The following CACNG2 variants were observed in gnomAD, a reference collection of about 807,000 sequenced individuals.
CACNG2 encodes the protein calcium voltage-gated channel auxiliary subunit gamma 2.
CACNG2 carries 3 observed loss-of-function variants against 25.9 expected under a neutral mutation model. The ratio of observed to expected loss-of-function variants is 0.12; its 90% CI spans 0.05 to 0.30. The LOEUF (loss-of-function observed/expected upper bound fraction) is 0.30. Ranked by LOEUF, CACNG2 falls within the 10% of genes least tolerant of loss-of-function variation. CACNG2 has a pLI of 1.00. For missense variants in CACNG2, 341 were observed against 432.5 expected, an observed-to-expected ratio of 0.79 and a Z score of 1.88; for synonymous variants, 167 against 173.3, an observed-to-expected ratio of 0.96 and a Z score of 0.29.
rs1337096596 is a variant in CACNG2 at position 36,563,924 on chromosome 22, T to C, written c.*427A>G. 2.0e-5 allele frequency: 3 copies of C among 152,436 alleles called. No homozygotes were observed. Among genetic ancestry groups the C allele is most frequent in the African/African-American group, 4.8e-5 (2 of 41,452 alleles). 9.4% of individuals were successfully genotyped at this position (152,436 alleles called of 1,614,324 possible). A position where few individuals can be genotyped will look rare whatever the true frequency, so the allele number is the denominator to read the frequency against. ...TTCCTTTCTGTTCTCATTTTTTTTT[T>C]TTTTGCTTTAATGTTATCTTGGTTC... On this transcript the variant is annotated 3_prime_UTR_variant, in exon 4 of 4. Coordinates refer to ENST00000300105, the MANE Select transcript of CACNG2 (RefSeq NM_006078.5).
At chr22:36,588,583 T>C (rs1935540646) in intron 1 of CACNG2, among the ~76,000 whole-genome samples, 1 of 152,208 alleles carries the variant, frequency 6.6e-6, no homozygotes, top group Admixed American at 6.5e-5. Flanking sequence ...AGATTGGGTG[T>C]ATGCTGGGGC....
chr22:36,606,352 G>C lies in CACNG2; in HGVS notation c.212-18804C>G, dbSNP rs1935832826. 6.6e-6 allele frequency among the ~76,000 whole-genome samples: 1 copy of C among 152,230 alleles called. No homozygotes were observed. The highest frequency in any genetic ancestry group is 2.4e-5 in the African/African-American group (1 of 41,458). On this transcript the variant is annotated intron_variant, in intron 1 of 3. Coordinates refer to ENST00000300105, the MANE Select transcript of CACNG2 (RefSeq NM_006078.5). The surrounding 1 kb of genome is among the most constrained non-coding windows in gnomAD (Gnocchi z 5.7). ...AGCACTTTACAACAAGCCTGTTGAGGTGGACGCTATTAGTCTCCGTACATT... is the reference window on the plus strand; with the variant it reads ...AGCACTTTACAACAAGCCTGTTGAGCTGGACGCTATTAGTCTCCGTACATT...
chr22:36,702,625 T>C lies in CACNG2; in HGVS notation c.-49A>G. 1 of 1,493,442 alleles carries C rather than the reference T, an allele frequency of 6.7e-7. No homozygotes were observed. The highest frequency in any genetic ancestry group is 9.3e-7 in the Non-Finnish European group (1 of 1,070,678). 92.5% of individuals were successfully genotyped at this position (1,493,442 alleles called of 1,614,324 possible). A position where few individuals can be genotyped will look rare whatever the true frequency, so the allele number is the denominator to read the frequency against. On this transcript the variant is annotated 5_prime_UTR_variant, in exon 1 of 4. Transcript: ENST00000300105. ...AACCGACTTCTGGTTCTCGGGAGAG[T>C]GTGTGTGAGGGTGCAAGTACTAAAG...
chr22:36,698,945 G>A lies in CACNG2; in HGVS notation c.211+3421C>T, dbSNP rs79011543. On this transcript the variant is annotated intron_variant, in intron 1 of 3. Transcript: ENST00000300105. ...TGAATTTCTTGCTGTCCCTGGAGAC[G>A]ATGTTTCCTTTAGGTGACAACAGAG... Among the ~76,000 whole-genome samples, 703 of 152,240 alleles carry A rather than the reference G, an allele frequency of 4.6e-3. 7 individuals are homozygous for A. The highest frequency in any genetic ancestry group is 0.016 in the African/African-American group (672 of 41,540).
chr22:36,597,514 CT>C, intron 1 of CACNG2, among the ~76,000 whole-genome samples: 1 of 152,346 alleles, frequency 6.6e-6, no homozygotes, highest in Non-Finnish European at 1.5e-5. Flanking sequence ...AGGGGATTAA[CT>C]TTGAAGACTC....
intron 1 of CACNG2, among the ~76,000 whole-genome samples, chr22:36,596,135 G>A (rs764495323): frequency 5.9e-5 from 9 of 152,332 alleles, no homozygotes; most frequent in Middle Eastern, 3.4e-3. Context: ...GAGGGGACAC[G>A]GTGGAGCGAG....
intron 2 of CACNG2, among the ~76,000 whole-genome samples, chr22:36,567,105 G>T (rs911444856): frequency 1.3e-5 from 2 of 152,172 alleles, no homozygotes; most frequent in African/African-American, 4.8e-5. Flanking sequence ...CTGTGCAATA[G>T]AAAAAGTATC....
chr22:36,609,863 A>G (rs1419125129), intron 1 of CACNG2, among the ~76,000 whole-genome samples: 2 of 146,576 alleles, frequency 1.4e-5, no homozygotes, highest in Non-Finnish European at 3.0e-5. Context: ...AGCAGGAATC[A>G]GCCCCGCAAA....
rs117649965 is a variant in CACNG2 at position 36,650,310 on chromosome 22, A to G, written c.211+52056T>C. The stretch of plus-strand genomic sequence containing the variant: ...TTCACCCTGATACCTCATTAGTCTC[A>G]TTATCTACTCCTTTCTGCTTGGCTG... On this transcript the variant is annotated intron_variant, in intron 1 of 3. Transcript: ENST00000300105. 5.0e-3 allele frequency among the ~76,000 whole-genome samples: 760 copies of G among 152,034 alleles called. 34 individuals are homozygous for G. In the East Asian group the frequency reaches 0.11, roughly 21 times the overall value.
chr22:36,611,621 G>A (rs1186236262), intron 1 of CACNG2, among the ~76,000 whole-genome samples: 1 of 152,148 alleles, frequency 6.6e-6, no homozygotes, highest in Non-Finnish European at 1.5e-5. Flanking sequence ...ACCCCGAAAT[G>A]CCCCTTCTGC....
In CACNG2 at chr22:36,686,378, G is replaced by T. The variant is rs146360530; in HGVS notation, c.211+15988C>A. On this transcript the variant is annotated intron_variant, in intron 1 of 3. Coordinates refer to ENST00000300105, the MANE Select transcript of CACNG2 (RefSeq NM_006078.5). The stretch of plus-strand genomic sequence containing the variant: ...TGGTGCTGTTTCAGGCTTCTCTTCG[G>T]TCAAATCCTGCAGCTCTTTCATGCG... 5.2e-3 allele frequency among the ~76,000 whole-genome samples: 785 copies of T among 152,314 alleles called. 10 individuals are homozygous for T. Among genetic ancestry groups the T allele is most frequent in the African/African-American group, 0.018 (751 of 41,568 alleles).
chr22:36,669,271 G>C (rs898783677), intron 1 of CACNG2, among the ~76,000 whole-genome samples: 8 of 152,068 alleles, frequency 5.3e-5, no homozygotes, highest in African/African-American at 1.9e-4. Context: ...GGAGGCTGAG[G>C]TGGGTGGATT....
At chr22:36,693,775 G>C (rs1307928279) in intron 1 of CACNG2, among the ~76,000 whole-genome samples, 2 of 152,068 alleles carry the variant, frequency 1.3e-5, no homozygotes, top group Non-Finnish European at 2.9e-5. Context: ...TCCTTAGCTT[G>C]CTCACCCATA....
chr22:36,583,299 G>GAT (rs1935450043), intron 2 of CACNG2, among the ~76,000 whole-genome samples: 1 of 152,048 alleles, frequency 6.6e-6, no homozygotes, highest in African/African-American at 2.4e-5. Context: ...CAGATGTGGT[G>GAT]GCGGGTGCCT....
intron 1 of CACNG2, among the ~76,000 whole-genome samples, chr22:36,611,912 A>C (rs6000349): frequency 0.036 from 5,487 of 152,310 alleles, 151 homozygotes; most frequent in Middle Eastern, 0.099. Context: ...CAGGAGTGTC[A>C]GTGCTGCTGG....
At chr22:36,698,181 C>T (rs1404127496) in intron 1 of CACNG2, among the ~76,000 whole-genome samples, 1 of 152,158 alleles carries the variant, frequency 6.6e-6, no homozygotes, top group Non-Finnish European at 1.5e-5. Context: ...CCTCTCTCCC[C>T]ACTCTCCTCC....
intron 1 of CACNG2, among the ~76,000 whole-genome samples, chr22:36,685,253 G>A (rs1441806943): frequency 6.6e-6 from 1 of 152,066 alleles, no homozygotes. Context: ...ACCAACTGTC[G>A]TGGACCCTCT....
rs1201159379 is a variant in CACNG2 at position 36,561,025 on chromosome 22, A to T, written c.*3326T>A. The stretch of plus-strand genomic sequence containing the variant: ...TTTCTTGAACTGGTCTGAGCTGGAC[A>T]TGAGCAATCATCCACACCCCTGGGC... On this transcript the variant is annotated 3_prime_UTR_variant, in exon 4 of 4. Transcript: ENST00000300105. 1.3e-5 allele frequency: 2 copies of T among 150,306 alleles called. No individual in the cohort carries two copies. The highest frequency in any genetic ancestry group is 2.9e-5 in the Non-Finnish European group (2 of 67,948). 9.3% of individuals were successfully genotyped at this position (150,306 alleles called of 1,614,324 possible).
At chr22:36,665,350 C>G (rs9607366) in intron 1 of CACNG2, among the ~76,000 whole-genome samples, 34,405 of 152,006 alleles carry the variant, frequency 0.23, 4,163 homozygotes, top group Middle Eastern at 0.32. Flanking sequence ...TCTCCAAGTG[C>G]GGATTGAAGT....
Sources: gnomAD v4.1 joint callset for allele counts (sites outside exome capture counted in the v4.1 genomes callset) on GRCh38, gnomAD v4.1.1 for gene constraint, Gnocchi (gnomAD v3.1) non-coding constraint, MANE v1.5 for transcripts, NCBI Gene and HGNC (gene_info 2026-07-23, HGNC 2026-07-21) for gene names.